The following TBC1D5 variants were observed in gnomAD, a reference collection of about 807,000 sequenced individuals.
The protein encoded by TBC1D5 is TBC1 domain family member 5, also known as TBC1 domain family, member 5.
TBC1D5 carries 75 observed loss-of-function variants against 100.3 expected under a neutral mutation model. That is an observed-to-expected ratio of 0.75 (90% CI 0.62 to 0.91). TBC1D5 has a LOEUF of 0.91. Among genes scored for constraint, TBC1D5 ranks in the 40% least tolerant of loss-of-function variants. The pLI is 0.00. For synonymous variants in TBC1D5, 323 were observed against 325.6 expected (o/e 0.99, Z 0.09); for missense variants, 910 against 942.4 (o/e 0.97, Z 0.45).
rs1012085232 is a variant in TBC1D5 at position 17,683,700 on chromosome 3, A to G, written c.-101+55643T>C. Among the ~76,000 whole-genome samples the G allele has an allele frequency of 2.6e-5, 4 of 152,150 alleles. No individual in the cohort carries two copies. In the East Asian group the frequency reaches 5.8e-4, roughly 22 times the overall value. On this transcript the variant is annotated intron_variant, in intron 1 of 21. Transcript: ENST00000253692. ...AATGAGTCCTAATGCGAGCCCCACC[A>G]CTTTCAGCTGTGTGGCAATCAGCAA...
At chr3:17,734,511 A>G (rs1038904161) in intron 1 of TBC1D5, among the ~76,000 whole-genome samples, 23 of 152,208 alleles carry the variant, frequency 1.5e-4, no homozygotes, top group African/African-American at 5.5e-4. Context: ...AAAGTACGAA[A>G]ACAGTTGAAA....
intron 2 of TBC1D5, among the ~76,000 whole-genome samples, chr3:17,621,702 GCTAA>G (rs1203352316): frequency 3.0e-5 from 4 of 133,800 alleles, no homozygotes; most frequent in African/African-American, 5.6e-5. Flanking sequence ...TAGTATTCTC[GCTAA>G]CTTTTTTTTT....
intron 1 of TBC1D5, among the ~76,000 whole-genome samples, chr3:17,673,045 A>T (rs1283115845): frequency 1.3e-5 from 2 of 152,224 alleles, no homozygotes. Flanking sequence ...AGGAATAACG[A>T]TGGCTAAGAA....
intron 3 of TBC1D5, among the ~76,000 whole-genome samples, chr3:17,444,792 TTATA>T (rs1258933530): frequency 6.6e-6 from 1 of 152,106 alleles, no homozygotes; most frequent in East Asian, 1.9e-4. Flanking sequence ...ACAATATGCA[TTATA>T]TATATTCTAT....
Position 17,704,638 on chromosome 3 carries a change from C to A in TBC1D5, c.-101+34705G>T, listed in dbSNP as rs1180495830. The stretch of plus-strand genomic sequence containing the variant: ...CCAACCTCCCGGACGGGGCTGCTGG[C>A]CAGGCGGGGGGCCGACCCCCCCACC... On this transcript the variant is annotated intron_variant, in intron 1 of 21. Transcript: ENST00000253692. 1.6e-3 allele frequency among the ~76,000 whole-genome samples: 118 copies of A among 75,564 alleles called. 16 individuals carry two copies. Among genetic ancestry groups the A allele is most frequent in the African/African-American group, 4.7e-3 (104 of 22,240 alleles). 49.6% of individuals were successfully genotyped at this position (75,564 alleles called of 152,430 possible).
chr3:17,579,756 G>A (rs1222594119), intron 2 of TBC1D5, among the ~76,000 whole-genome samples: 1 of 152,080 alleles, frequency 6.6e-6, no homozygotes, highest in Non-Finnish European at 1.5e-5. Flanking sequence ...AGTTAGCTGA[G>A]TACCTGCCAT....
At chr3:17,515,697 C>T (rs891285499) in intron 2 of TBC1D5, among the ~76,000 whole-genome samples, 1 of 152,148 alleles carries the variant, frequency 6.6e-6, no homozygotes, top group Non-Finnish European at 1.5e-5. Context: ...GTTTACTTTT[C>T]TCGCATGCAA....
intron 8 of TBC1D5, among the ~76,000 whole-genome samples, chr3:17,387,116 G>C (rs2093182031): frequency 6.6e-6 from 1 of 152,060 alleles, no homozygotes; most frequent in African/African-American, 2.4e-5. Context: ...AGAATCCATT[G>C]CATCGAATAA....
intron 3 of TBC1D5, among the ~76,000 whole-genome samples, chr3:17,439,777 A>G (rs767862535): frequency 6.6e-6 from 1 of 152,182 alleles, no homozygotes; most frequent in Non-Finnish European, 1.5e-5. Flanking sequence ...ATAACTAGAA[A>G]TATGTCAATA....
At chr3:17,448,374 G>A (rs1313029803) in intron 3 of TBC1D5, among the ~76,000 whole-genome samples, 1 of 152,104 alleles carries the variant, frequency 6.6e-6, no homozygotes, top group Non-Finnish European at 1.5e-5. Flanking sequence ...CTCCTCCCAT[G>A]AATCATGAAT....
chr3:17,591,270 AAAC>A (rs2096769851), intron 2 of TBC1D5, among the ~76,000 whole-genome samples: 1 of 142,910 alleles, frequency 7.0e-6, no homozygotes, highest in Admixed American at 7.0e-5. Context: ...AAAAAAACAA[AAAC>A]CCCAGAGAAT....
At chr3:17,593,861 CTCCAGA>C (rs775834857) in intron 2 of TBC1D5, among the ~76,000 whole-genome samples, 3 of 152,158 alleles carry the variant, frequency 2.0e-5, no homozygotes, top group Non-Finnish European at 4.4e-5. Context: ...GGGCAAAGTT[CTCCAGA>C]AGGCTGTGTA....
chr3:17,602,390 A>G (rs1463647271), intron 2 of TBC1D5, among the ~76,000 whole-genome samples: 1 of 152,080 alleles, frequency 6.6e-6, no homozygotes. Context: ...ACTCCGAAAT[A>G]CACGATCCCT....
At chr3:17,180,506 G>A (rs903763867) in intron 19 of TBC1D5, among the ~76,000 whole-genome samples, 6 of 152,196 alleles carry the variant, frequency 3.9e-5, no homozygotes, top group African/African-American at 1.4e-4. Flanking sequence ...TAATAGCAAA[G>A]ATAGAGAAGC....
At chr3:17,716,491 A>G (rs1283287844) in intron 1 of TBC1D5, among the ~76,000 whole-genome samples, 2 of 152,208 alleles carry the variant, frequency 1.3e-5, no homozygotes, top group East Asian at 1.9e-4. Context: ...TTATCATTCA[A>G]ATCTACAAAA....
At chr3:17,418,415 C>G (rs189169587) in intron 4 of TBC1D5, among the ~76,000 whole-genome samples, 1 of 152,068 alleles carries the variant, frequency 6.6e-6, no homozygotes, top group Non-Finnish European at 1.5e-5. Context: ...CAAGACCAGC[C>G]TGGCCAACAT....
intron 1 of TBC1D5, among the ~76,000 whole-genome samples, chr3:17,730,241 G>A (rs1033643590): frequency 6.8e-6 from 1 of 147,252 alleles, no homozygotes; most frequent in African/African-American, 2.4e-5. Context: ...AGCAAATTAA[G>A]TAAAGTTGCA....
intron 15 of TBC1D5, among the ~76,000 whole-genome samples, chr3:17,284,833 T>G (rs2081001601): frequency 6.6e-6 from 1 of 152,150 alleles, no homozygotes; most frequent in Admixed American, 6.5e-5. Flanking sequence ...AAGTCTTTAT[T>G]TCTGATTGGA....
chr3:17,383,075 TG>T (rs2093014578), intron 9 of TBC1D5, among the ~76,000 whole-genome samples: 1 of 152,004 alleles, frequency 6.6e-6, no homozygotes, highest in Admixed American at 6.6e-5. Context: ...TAATTAAAAA[TG>T]TACGATTTGG....
Sources: gnomAD v4.1 joint callset for allele counts (sites outside exome capture counted in the v4.1 genomes callset) on GRCh38, gnomAD v4.1.1 for gene constraint, MANE v1.5 for transcripts, NCBI Gene and HGNC (gene_info 2026-07-23, HGNC 2026-07-21) for gene names.